The following MRPL30 variants were observed in gnomAD, a reference collection of about 807,000 sequenced individuals.
MRPL30 encodes the protein mitochondrial ribosomal protein L30, also known as large ribosomal subunit protein uL30m.
MRPL30 carries 10 observed loss-of-function variants against 17.2 expected under a neutral mutation model. The observed-to-expected ratio is 0.58, with a 90% confidence interval of 0.36 to 0.99. The LOEUF is 0.99. Ranked by LOEUF, MRPL30 falls within the 50% of genes least tolerant of loss-of-function variation. The pLI, the probability that MRPL30 is intolerant of heterozygous loss-of-function variation, is 0.01. For missense variants in MRPL30, 170 were observed against 189.8 expected (o/e 0.90, Z 0.61); for synonymous variants, 61 against 62.1 (o/e 0.98, Z 0.08).
chr2:99,195,260 T>C (rs2093953242), intron 5 of MRPL30, 71 bp downstream of exon 5: 2 of 1,424,992 alleles, frequency 1.4e-6, no homozygotes, highest in East Asian at 4.7e-5. Flanking sequence ...TTTTCTTTTT[T>C]CGTTAATGTT....
At chr2:99,188,133 A>T in intron 2 of MRPL30, 44 bp from the exon 3 acceptor site, 1 of 1,413,018 alleles carries the variant, frequency 7.1e-7, no homozygotes, top group Non-Finnish European at 9.7e-7. Context: ...GGATTTCTCT[A>T]CTGACAGAAT....
intron 3 of MRPL30, among the ~76,000 whole-genome samples, chr2:99,188,689 C>T (rs1039593594): frequency 2.6e-5 from 4 of 152,024 alleles, no homozygotes; most frequent in African/African-American, 9.7e-5. Context: ...TGACTAAGCC[C>T]GCCATTGATT....
At position 99,195,692 on chromosome 2, in the gene MRPL30, C is replaced by A. The variant is rs747656275; in HGVS notation, c.473C>A (p.Ala158Glu). 1.4e-5 allele frequency: 22 copies of A among 1,612,464 alleles called. No homozygotes were observed. The highest frequency in any genetic ancestry group is 1.8e-5 in the Non-Finnish European group (21 of 1,179,618). ...QWHLKPVEQKAHES is the reference protein window; with the variant it reads ...QWHLKPVEQKEHES ...CATCTGAAACCTGTGGAGCAGAAAG[C>A]ACATGAGTCCTAATGCCCCAGCAGC... Residue 158 changes from alanine (A) to glutamate (E), a missense_variant, in exon 6 of 6, where the codon GCA becomes GAA. Ala to Glu is a moderately radical substitution (Grantham distance 107). Coordinates refer to ENST00000338148, the MANE Select transcript of MRPL30 (RefSeq NM_145212.4).
chr2:99,194,995 T>C (rs758547720), intron 4 of MRPL30, 98 bp downstream of exon 4: 7 of 1,348,988 alleles, frequency 5.2e-6, no homozygotes, highest in Non-Finnish European at 7.0e-6. Context: ...TATTTTGTAT[T>C]ACTTAGGGTA....
chr2:99,188,709 A>C (rs2105244667), intron 3 of MRPL30, among the ~76,000 whole-genome samples: 1 of 152,048 alleles, frequency 6.6e-6, no homozygotes, highest in African/African-American at 2.4e-5. Flanking sequence ...TTTTGTTTAA[A>C]ATTTTTTTTT....
At chr2:99,185,382 T>C (rs868758553) in intron 1 of MRPL30, among the ~76,000 whole-genome samples, 1 of 152,218 alleles carries the variant, frequency 6.6e-6, no homozygotes. Context: ...TTTAGGTGCT[T>C]TGTAGAATAA....
At chr2:99,194,628 T>A (rs1417188715) in intron 3 of MRPL30, 123 bp from the exon 4 acceptor site, 3 of 802,642 alleles carry the variant, frequency 3.7e-6, no homozygotes, top group Non-Finnish European at 5.9e-6. Context: ...GAGGATTACA[T>A]GATGATTAAG....
chr2:99,186,138 A>G, intron 1 of MRPL30, 39 bp from the exon 2 acceptor site: 1 of 1,412,770 alleles, frequency 7.1e-7, no homozygotes, highest in East Asian at 2.3e-5. Flanking sequence ...CATTTCCAAG[A>G]CATAGTTGAC....
chr2:99,185,783 T>C (rs1481139360), intron 1 of MRPL30: 1 of 450,654 alleles, frequency 2.2e-6, no homozygotes, highest in East Asian at 7.0e-5. Flanking sequence ...TCCTCATTCA[T>C]AAAGTAAGGA....
At position 99,195,120 on chromosome 2, in the gene MRPL30, A is replaced by C. The variant is rs1410503203; in HGVS notation, c.284A>C (p.His95Pro). Residue 95 changes from histidine (H) to proline (P), a missense_variant, in exon 5 of 6, where the codon CAT becomes CCT. By Grantham distance (77) the His-to-Pro change is moderately conservative. Transcript: ENST00000338148. ...CTTTGTTGTTGTTGTTCACAGGCAC[A>C]TACCCCTCAAGTTCACAAGAATATC... is the stretch of plus-strand genomic sequence containing the variant. ...IIKMLGLEKA[H>P]TPQVHKNIPS... 6.3e-7 allele frequency: 1 copy of C among 1,593,026 alleles called. No homozygotes were observed. Among genetic ancestry groups the C allele is most frequent in the Middle Eastern group, 1.7e-4 (1 of 5,962 alleles).
At chr2:99,187,381 G>A (rs967454503) in intron 2 of MRPL30, among the ~76,000 whole-genome samples, 9 of 152,234 alleles carry the variant, frequency 5.9e-5, no homozygotes, top group African/African-American at 2.2e-4. Context: ...AGAACTAGGA[G>A]GGAAACTAGA....
intron 3 of MRPL30, among the ~76,000 whole-genome samples, chr2:99,189,536 A>G (rs955054187): frequency 1.3e-5 from 2 of 152,212 alleles, no homozygotes; most frequent in African/African-American, 4.8e-5. Context: ...GTGTGCATTC[A>G]TCTATGGAAA....
At chr2:99,188,064 C>A in intron 2 of MRPL30, 113 bp from the exon 3 acceptor site, 1 of 707,146 alleles carries the variant, frequency 1.4e-6, no homozygotes, top group Non-Finnish European at 2.3e-6. Context: ...TAAGATATAC[C>A]TTTAATAATT....
At chr2:99,185,926 A>G (rs2093933109) in intron 1 of MRPL30, 1 of 478,214 alleles carries the variant, frequency 2.1e-6, no homozygotes. Flanking sequence ...AAATGATAGT[A>G]ATTTTGTGGA....
chr2:99,196,422 T>G lies in MRPL30; in HGVS notation c.*717T>G, dbSNP rs2093955363. On this transcript the variant is annotated 3_prime_UTR_variant, in exon 6 of 6. Transcript: ENST00000338148. ...CTCAAGTGATCCTCCCACCTCAGCCTCCAGAGTAGCTAGGACTACAGGCAG... is the reference window on the plus strand; with the variant it reads ...CTCAAGTGATCCTCCCACCTCAGCCGCCAGAGTAGCTAGGACTACAGGCAG... The G allele has an allele frequency of 1.3e-5, 2 of 152,314 alleles. No individual in the cohort carries two copies. The highest frequency in any genetic ancestry group is 4.8e-5 in the African/African-American group (2 of 41,412). The allele number at this position is 152,314 out of a possible 1,614,324, so 9.4% of individuals were successfully genotyped here. A position where few individuals can be genotyped will look rare whatever the true frequency, so the allele number is the denominator to read the frequency against.
chr2:99,190,458 G>C (rs994964886), intron 3 of MRPL30, among the ~76,000 whole-genome samples: 2 of 151,966 alleles, frequency 1.3e-5, no homozygotes, highest in Non-Finnish European at 2.9e-5. Flanking sequence ...TGCTCAGGAG[G>C]CTGAGATGAG....
intron 1 of MRPL30, among the ~76,000 whole-genome samples, chr2:99,184,116 A>T (rs1423091233): frequency 6.6e-6 from 1 of 152,164 alleles, no homozygotes; most frequent in Admixed American, 6.6e-5. Context: ...TTGGATTATA[A>T]GCCAGTAATA....
At chr2:99,193,357 C>T (rs142170244) in intron 3 of MRPL30, among the ~76,000 whole-genome samples, 2,323 of 152,192 alleles carry the variant, frequency 0.015, 51 homozygotes, top group African/African-American at 0.052. Flanking sequence ...GAAATAAGAA[C>T]GCTTTTACAC....
Position 99,190,576 on chromosome 2 carries a change from C to CT in MRPL30, c.132+2325dup, listed in dbSNP as rs1258388230. Among the ~76,000 whole-genome samples the CT allele has an allele frequency of 3.2e-4, 49 of 152,196 alleles. No homozygotes were observed. The East Asian group carries it at 6.4e-3, about 20-fold the overall frequency. ...TTGTCTCAAAACAAAATAAAGAAAT[C>CT]TTTTTTATTTTTCAAGTCATTGTCT... On this transcript the variant is annotated intron_variant, in intron 3 of 5. Transcript: ENST00000338148.
Sources: allele counts gnomAD v4.1 joint callset (sites outside exome capture counted in the v4.1 genomes callset), GRCh38; gene constraint gnomAD v4.1.1; transcripts MANE v1.5; gene names NCBI Gene and HGNC (gene_info 2026-07-23, HGNC 2026-07-21).